The following SLC9A8 variants were observed in gnomAD, a reference collection of about 807,000 sequenced individuals.
The protein encoded by SLC9A8 is sodium/hydrogen exchanger 8.
Under a neutral mutation model 66.6 loss-of-function variants are expected in SLC9A8, and 48 were observed. The observed-to-expected ratio is 0.72, with a 90% CI of 0.57 to 0.92. SLC9A8 has a LOEUF of 0.92. Among genes scored for constraint, SLC9A8 ranks in the 40% least tolerant of loss-of-function variants. The pLI, the probability that SLC9A8 is intolerant of heterozygous loss-of-function variation, is 0.00. For missense variants in SLC9A8, 599 were observed against 747.3 expected, an observed-to-expected ratio of 0.80 and a Z score of 2.31; for synonymous variants, 274 against 282.6, an observed-to-expected ratio of 0.97 and a Z score of 0.31.
Position 49,884,274 on chromosome 20 carries a change from G to GACACACACGACACAC in SLC9A8, c.1491+216_1491+217insGACACACACACACAC, listed in dbSNP as rs1568883972. The GACACACACGACACAC allele has an allele frequency of 5.9e-4, 71 of 120,390 alleles. 8 individuals carry two copies. Among genetic ancestry groups the GACACACACGACACAC allele is most frequent in the Admixed American group, 9.1e-4 (7 of 7,714 alleles). The allele number at this position is 120,390 out of a possible 1,614,324, so 7.5% of individuals were successfully genotyped here. On this transcript the variant is annotated intron_variant, in intron 14 of 15. Transcript: ENST00000361573. ...ACACACACACGACACACACACACACGACACACACACACACGACACACACAC... is the reference window on the plus strand; with the variant it reads ...ACACACACACGACACACACACACACGACACACACGACACACACACACACACACACGACACACACAC...
At chr20:49,874,631 G>T in intron 10 of SLC9A8, 74 bp from the exon 11 acceptor site, 1 of 935,570 alleles carries the variant, frequency 1.1e-6, no homozygotes, top group South Asian at 1.3e-5. Context: ...AGGCCCCAGG[G>T]CCTTGCAGGC....
chr20:49,835,315 C>T (rs1354813532), intron 3 of SLC9A8, among the ~76,000 whole-genome samples: 1 of 151,464 alleles, frequency 6.6e-6, no homozygotes, highest in Admixed American at 6.6e-5. Context: ...ATCAGTGGGG[C>T]AATGGTTCAA....
intron 8 of SLC9A8, among the ~76,000 whole-genome samples, chr20:49,856,312 C>T (rs1254232229): frequency 6.6e-6 from 1 of 152,140 alleles, no homozygotes; most frequent in African/African-American, 2.4e-5. Context: ...ATATTATTGG[C>T]AACAAAAGCA....
At chr20:49,830,127 C>G in intron 3 of SLC9A8, 1 of 742,324 alleles carries the variant, frequency 1.3e-6, no homozygotes, top group South Asian at 1.3e-5. Context: ...TGTCTGTTAC[C>G]AGGCAATCAC....
chr20:49,863,090 A>G lies in SLC9A8; in HGVS notation c.852+23A>G, dbSNP rs947163748. 6.9e-6 allele frequency: 11 copies of G among 1,591,214 alleles called. No homozygotes were observed. The East Asian group carries it at 1.8e-4, about 26-fold the overall frequency. On this transcript the variant is annotated intron_variant, in intron 9 of 15. Transcript: ENST00000361573. The stretch of plus-strand genomic sequence containing the variant: ...TTAATATCCTTTTAATGTGATGAAC[A>G]TGCAGGGTTAAAATTATTCCTGATA...
intron 1 of SLC9A8, among the ~76,000 whole-genome samples, 159 bp from the exon 2 acceptor site, chr20:49,814,849 G>A (rs2086486803): frequency 6.6e-6 from 1 of 152,124 alleles, no homozygotes; most frequent in Non-Finnish European, 1.5e-5. Flanking sequence ...TGCTGTGCAG[G>A]CAGGGATTTT....
chr20:49,832,291 C>A (rs987803378), intron 3 of SLC9A8, among the ~76,000 whole-genome samples: 5 of 152,190 alleles, frequency 3.3e-5, no homozygotes, highest in African/African-American at 1.2e-4. Context: ...CTCCAGCCAG[C>A]ATCATGGTCT....
At chr20:49,849,230 A>G (rs1368286225) in intron 5 of SLC9A8, among the ~76,000 whole-genome samples, 4 of 152,172 alleles carry the variant, frequency 2.6e-5, no homozygotes, top group African/African-American at 7.2e-5. Context: ...GGCTAGCTGC[A>G]TTTTAAGTGG....
intron 3 of SLC9A8, among the ~76,000 whole-genome samples, chr20:49,834,181 C>CTA (rs1429672333): frequency 4.6e-3 from 214 of 46,058 alleles, no homozygotes; most frequent in Non-Finnish European, 6.9e-3. Flanking sequence ...CTCTCTCTCT[C>CTA]TCTCTATATA....
Position 49,834,208 on chromosome 20 carries a change from T to C in SLC9A8, c.290-5333T>C, listed in dbSNP as rs560837193. Among the ~76,000 whole-genome samples the C allele has an allele frequency of 4.9e-3, 565 of 115,568 alleles. 5 individuals carry two copies. The highest frequency in any genetic ancestry group is 0.012 in the African/African-American group (379 of 30,322). The allele number at this position is 115,568 out of a possible 152,430, so 75.8% of individuals were successfully genotyped here. On this transcript the variant is annotated intron_variant, in intron 3 of 15. Coordinates refer to ENST00000361573, the MANE Select transcript of SLC9A8 (RefSeq NM_015266.3). ...CTCTATATATATATATATATATATA[T>C]ATATATACACACACACACTATGTAT...
intron 8 of SLC9A8, among the ~76,000 whole-genome samples, chr20:49,860,937 A>C (rs548260949): frequency 6.6e-6 from 1 of 152,168 alleles, no homozygotes; most frequent in Non-Finnish European, 1.5e-5. Flanking sequence ...ACAGTTTCCC[A>C]TGCTGTGAAG....
At chr20:49,850,362 T>C (rs1452939630) in intron 6 of SLC9A8, among the ~76,000 whole-genome samples, 1 of 152,222 alleles carries the variant, frequency 6.6e-6, no homozygotes, top group Non-Finnish European at 1.5e-5. Flanking sequence ...AGTTTGCCTG[T>C]CTCAGTTCTG....
chr20:49,831,455 G>T (rs1198783641), intron 3 of SLC9A8, among the ~76,000 whole-genome samples: 1 of 151,286 alleles, frequency 6.6e-6, no homozygotes, highest in Non-Finnish European at 1.5e-5. Context: ...CTCACCCCAG[G>T]ATAGAAACTG....
chr20:49,886,611 T>C lies in SLC9A8; in HGVS notation c.1492-141T>C. ...CCCTGCAGGCTCCCAGGAGGCCGTC[T>C]GCTGCCCGTCACCCTGCATTGATGG... On this transcript the variant is annotated intron_variant, in intron 14 of 15. Coordinates refer to ENST00000361573, the MANE Select transcript of SLC9A8 (RefSeq NM_015266.3). The surrounding 1 kb of genome is among the most constrained non-coding windows in gnomAD (Gnocchi z 4.8). 6 of 1,001,800 alleles carry C rather than the reference T, an allele frequency of 6.0e-6. No individual in the cohort carries two copies. Among genetic ancestry groups the C allele is most frequent in the Non-Finnish European group, 8.7e-6 (6 of 688,628 alleles). The allele number at this position is 1,001,800 out of a possible 1,614,324, so 62.1% of individuals were successfully genotyped here.
At chr20:49,837,231 A>C (rs922756217) in intron 3 of SLC9A8, among the ~76,000 whole-genome samples, 20 of 152,212 alleles carry the variant, frequency 1.3e-4, no homozygotes, top group Non-Finnish European at 1.5e-5. Context: ...TACATCTTAC[A>C]TTGTTGATAG....
In SLC9A8 at chr20:49,855,302, C is replaced by A. The variant is rs570578492; in HGVS notation, c.570-136C>A. 10 of 897,590 alleles carry A rather than the reference C, an allele frequency of 1.1e-5. No individual in the cohort carries two copies. In the African/African-American group the frequency reaches 1.5e-4, roughly 14 times the overall value. The allele number at this position is 897,590 out of a possible 1,614,324, so 55.6% of individuals were successfully genotyped here. A position where few individuals can be genotyped will look rare whatever the true frequency, so the allele number is the denominator to read the frequency against. On this transcript the variant is annotated intron_variant, in intron 7 of 15. Transcript: ENST00000361573. Reference sequence around the variant, plus strand: ...ACAGCAGATAAGTGGGGAAAAAATACGCTACCTTCTGTAATTAATTCAGCT... The same window carrying A: ...ACAGCAGATAAGTGGGGAAAAAATAAGCTACCTTCTGTAATTAATTCAGCT...
At chr20:49,820,209 CTGGGCGTGG>C (rs2086683800) in intron 2 of SLC9A8, among the ~76,000 whole-genome samples, 1 of 152,146 alleles carries the variant, frequency 6.6e-6, no homozygotes, top group Non-Finnish European at 1.5e-5. Context: ...AAATGATAGA[CTGGGCGTGG>C]TGGCTCATAC....
At chr20:49,818,544 G>A (rs999775506) in intron 2 of SLC9A8, among the ~76,000 whole-genome samples, 1 of 145,864 alleles carries the variant, frequency 6.9e-6, no homozygotes, top group African/African-American at 2.6e-5. Context: ...AGGCTGGAGT[G>A]CAGTGGCATG....
At position 49,850,719 on chromosome 20, in the gene SLC9A8, T is replaced by C. The variant is rs1262207102; in HGVS notation, c.535-91T>C. ...TGAAGATTAATGTCCTTATTAGTTT[T>C]AATAAAGCACTAATGGACATTTAAA... is the stretch of plus-strand genomic sequence containing the variant. On this transcript the variant is annotated intron_variant, in intron 6 of 15. Coordinates refer to ENST00000361573, the MANE Select transcript of SLC9A8 (RefSeq NM_015266.3). The C allele has an allele frequency of 3.9e-6, 6 of 1,529,840 alleles. No homozygotes were observed. The Admixed American group carries it at 6.0e-5, about 15-fold the overall frequency. The allele number at this position is 1,529,840 out of a possible 1,614,324, so 94.8% of individuals were successfully genotyped here.
Sources: gnomAD v4.1 joint callset for allele counts (sites outside exome capture counted in the v4.1 genomes callset) on GRCh38, gnomAD v4.1.1 for gene constraint, Gnocchi (gnomAD v3.1) non-coding constraint, MANE v1.5 for transcripts, NCBI Gene and HGNC (gene_info 2026-07-23, HGNC 2026-07-21) for gene names.